Variants in MAPK10 observed in about 807,000 individuals in gnomAD.
MAPK10 encodes the protein JNK3 alpha protein kinase.
Under a neutral mutation model 59.3 loss-of-function variants are expected in MAPK10, and 25 were observed. The ratio of observed to expected loss-of-function variants is 0.42; its 90% CI spans 0.31 to 0.59. MAPK10 has a LOEUF of 0.59. MAPK10 is among the 20% of genes least tolerant of loss of function. MAPK10 has a pLI of 0.15. For missense variants in MAPK10, 351 were observed against 568.9 expected, an observed-to-expected ratio of 0.62 and a Z score of 3.90; for synonymous variants, 190 against 200.5, an observed-to-expected ratio of 0.95 and a Z score of 0.44.
chr4:86,196,820 C>A (rs1377496950), intron 2 of MAPK10, among the ~76,000 whole-genome samples: 1 of 152,108 alleles, frequency 6.6e-6, no homozygotes, highest in African/African-American at 2.4e-5. Context: ...ATAGGGAATC[C>A]TTTCCTCATG....
chr4:86,056,149 T>A (rs1329526823), intron 11 of MAPK10, among the ~76,000 whole-genome samples: 1 of 150,152 alleles, frequency 6.7e-6, no homozygotes, highest in Non-Finnish European at 1.5e-5. Context: ...TATAGAGAGC[T>A]GTTTGCATTT....
intron 11 of MAPK10, chr4:86,031,693 T>A: frequency 2.6e-6 from 1 of 391,670 alleles, no homozygotes; most frequent in Non-Finnish European, 4.6e-6. Context: ...CTTTCCGACA[T>A]CTTCTGATTT....
chr4:86,330,021 CAA>C (rs1300018591), intron 2 of MAPK10, among the ~76,000 whole-genome samples: 3 of 152,012 alleles, frequency 2.0e-5, no homozygotes, highest in African/African-American at 4.8e-5. Context: ...GGTGGGCCGG[CAA>C]AGAGAATACA....
At chr4:86,238,339 G>T (rs2092443599) in intron 2 of MAPK10, among the ~76,000 whole-genome samples, 1 of 152,122 alleles carries the variant, frequency 6.6e-6, no homozygotes, top group East Asian at 1.9e-4. Context: ...GGTCTTCTTT[G>T]ATTCCATATG....
intron 13 of MAPK10, among the ~76,000 whole-genome samples, chr4:86,022,001 C>A (rs2148899108): frequency 6.6e-6 from 1 of 152,350 alleles, no homozygotes; most frequent in South Asian, 2.1e-4. Flanking sequence ...CTCCACACCT[C>A]CCTGCAAGCT....
intron 1 of MAPK10, among the ~76,000 whole-genome samples, chr4:86,484,164 T>C (rs1288740557): frequency 6.6e-6 from 1 of 152,168 alleles, no homozygotes; most frequent in East Asian, 1.9e-4. Context: ...ACAGGATGTT[T>C]AAACGGAGTG....
At chr4:86,470,500 G>A (rs532517221) in intron 1 of MAPK10, among the ~76,000 whole-genome samples, 5 of 152,030 alleles carry the variant, frequency 3.3e-5, no homozygotes, top group African/African-American at 4.8e-5. Flanking sequence ...ATAAATATTT[G>A]CTTTCCTATA....
At chr4:86,174,874 T>G (rs1322856527) in intron 3 of MAPK10, among the ~76,000 whole-genome samples, 1 of 152,154 alleles carries the variant, frequency 6.6e-6, no homozygotes, top group African/African-American at 2.4e-5. Flanking sequence ...CCCTAGACAC[T>G]GAGAATGCAA....
At chr4:86,149,578 AT>A (rs1293603853) in intron 4 of MAPK10, among the ~76,000 whole-genome samples, 2 of 152,126 alleles carry the variant, frequency 1.3e-5, no homozygotes, top group African/African-American at 4.8e-5. Context: ...GGATTGGATT[AT>A]TTTACTGGCA....
chr4:86,347,580 C>T (rs1728926797), intron 2 of MAPK10, among the ~76,000 whole-genome samples: 1 of 152,136 alleles, frequency 6.6e-6, no homozygotes, highest in African/African-American at 2.4e-5. Flanking sequence ...GCTGCTATAA[C>T]AAAATGCCAT....
At chr4:86,272,497 T>C in intron 2 of MAPK10, among the ~76,000 whole-genome samples, 1 of 152,094 alleles carries the variant, frequency 6.6e-6, no homozygotes. Context: ...TTATATGGTA[T>C]AAAGTAGAGG....
At chr4:86,088,072 T>G (rs1275283895) in intron 9 of MAPK10, among the ~76,000 whole-genome samples, 2 of 152,170 alleles carry the variant, frequency 1.3e-5, no homozygotes, top group East Asian at 3.9e-4. Flanking sequence ...AGTGACTAAG[T>G]GTAGAGGGAT....
At chr4:86,411,213 G>C (rs1169435371) in intron 1 of MAPK10, among the ~76,000 whole-genome samples, 1 of 152,202 alleles carries the variant, frequency 6.6e-6, no homozygotes, top group East Asian at 1.9e-4. Flanking sequence ...GTGTGGTTTT[G>C]AGTGAGTTTC....
chr4:86,186,766 A>T (rs2078332460), intron 3 of MAPK10, among the ~76,000 whole-genome samples: 2 of 152,122 alleles, frequency 1.3e-5, no homozygotes, highest in Non-Finnish European at 2.9e-5. Flanking sequence ...AGCACTGTCA[A>T]TTATATATGA....
intron 1 of MAPK10, among the ~76,000 whole-genome samples, chr4:86,401,626 T>G (rs562577439): frequency 1.3e-5 from 2 of 152,330 alleles, no homozygotes; most frequent in East Asian, 3.9e-4. Context: ...AATGTATGAC[T>G]CAAATTCACT....
intron 2 of MAPK10, among the ~76,000 whole-genome samples, chr4:86,314,079 CA>C (rs758538321): frequency 6.6e-6 from 1 of 152,048 alleles, no homozygotes; most frequent in Non-Finnish European, 1.5e-5. Context: ...AAAGAAGAAA[CA>C]AAAACAGTAT....
intron 2 of MAPK10, among the ~76,000 whole-genome samples, chr4:86,208,850 T>G (rs1429433944): frequency 6.6e-6 from 1 of 152,078 alleles, no homozygotes; most frequent in Non-Finnish European, 1.5e-5. Flanking sequence ...CAACCACCAA[T>G]TATTTTAAGC....
intron 2 of MAPK10, among the ~76,000 whole-genome samples, chr4:86,242,329 T>C (rs2092781284): frequency 6.6e-6 from 1 of 152,134 alleles, no homozygotes. Context: ...TCTCACCCAG[T>C]TGGGCGGCAC....
intron 4 of MAPK10, among the ~76,000 whole-genome samples, chr4:86,149,471 T>C (rs528651693): frequency 1.2e-4 from 19 of 152,242 alleles, no homozygotes; most frequent in African/African-American, 3.9e-4. Flanking sequence ...TTCGCCATGA[T>C]AGCCAGGCTG....
Sources: gnomAD v4.1 joint callset for allele counts (sites outside exome capture counted in the v4.1 genomes callset) on GRCh38, gnomAD v4.1.1 for gene constraint, MANE v1.5 for transcripts, NCBI Gene and HGNC (gene_info 2026-07-23, HGNC 2026-07-21) for gene names.